The following PIGG variants were observed in gnomAD, a reference collection of about 807,000 sequenced individuals.
The protein encoded by PIGG is phosphatidylinositol glycan anchor biosynthesis class G (EMM blood group).
PIGG carries 70 observed loss-of-function variants against 83.2 expected under a neutral mutation model. That is an observed-to-expected ratio of 0.84 (90% CI 0.69 to 1.03). The LOEUF (loss-of-function observed/expected upper bound fraction) is 1.03, where lower values mean the gene tolerates loss of function less well. Ranked by LOEUF, PIGG falls within the 50% of genes least tolerant of loss-of-function variation. The probability of loss-of-function intolerance (pLI) is 0.00; values close to 1 mark genes in which losing one functional copy is unlikely to be tolerated. For synonymous variants in PIGG, 532 were observed against 519.5 expected (o/e 1.02, Z -0.33); for missense variants, 1,257 against 1,233.6 (o/e 1.02, Z -0.28).
At chr4:527,256 CA>C (rs1168412055) in intron 10 of PIGG, 26 bp downstream of exon 10, 1 of 1,544,588 alleles carries the variant, frequency 6.5e-7, no homozygotes, top group Admixed American at 2.0e-5. Flanking sequence ...ACACGGGGTG[CA>C]TAGAGCCACT....
rs372154748 is a variant in PIGG at position 539,336 on chromosome 4, G to A, written c.2919G>A (p.Thr973=). ...LITAAVCVFF[T]AMDQTRLTQS ...CAGCTGCTGTCTGTGTATTCTTCAC[G>A]GCAATGGATCAAACCAGACTCACAC... The change falls in exon 13 of 13, where the codon ACG becomes ACA. Residue 973 remains threonine (T), a synonymous_variant. Transcript: ENST00000453061. 2.2e-5 allele frequency: 36 copies of A among 1,612,550 alleles called. 1 individual carries two copies. In the South Asian group the frequency reaches 2.7e-4, roughly 12 times the overall value.
At chr4:534,792 G>A (rs1730018502) in intron 12 of PIGG, among the ~76,000 whole-genome samples, 1 of 151,470 alleles carries the variant, frequency 6.6e-6, no homozygotes, top group Non-Finnish European at 1.5e-5. Context: ...GTCCCCGGGG[G>A]ATCCCAGATC....
intron 10 of PIGG, 65 bp from the exon 11 acceptor site, chr4:530,371 G>A: frequency 8.4e-7 from 1 of 1,195,938 alleles, no homozygotes; most frequent in Non-Finnish European, 1.2e-6. Flanking sequence ...TGTTTTTCAT[G>A]GGAAAATGTT....
chr4:536,871 C>T (rs974083786), intron 12 of PIGG: 1 of 152,304 alleles, frequency 6.6e-6, no homozygotes, highest in Non-Finnish European at 1.5e-5. Context: ...AGACGGAGGG[C>T]TGGAAGTACT....
At position 506,570 on chromosome 4, in the gene PIGG, AAC is replaced by A. The variant is rs1237058471; in HGVS notation, c.570+645_570+646del. Among the ~76,000 whole-genome samples, 5 of 152,192 alleles carry A rather than the reference AAC, an allele frequency of 3.3e-5. No homozygotes were observed. The East Asian group carries it at 9.6e-4, about 29-fold the overall frequency. On this transcript the variant is annotated intron_variant, in intron 3 of 12. Transcript: ENST00000453061. ...CCTGTTCCAAAGTGGGGCGCTTTTC[AAC>A]AGTTACTTTTCAGTAATGACTGAGT...
intron 8 of PIGG, chr4:522,341 A>C (rs755699128): frequency 3.7e-5 from 15 of 402,972 alleles, no homozygotes; most frequent in Non-Finnish European, 6.4e-5. Flanking sequence ...CTGGACACTC[A>C]GGAGGGTCAA....
In PIGG at chr4:499,262, G is replaced by C. The variant is rs1716590624; in HGVS notation, c.-74G>C. On this transcript the variant is annotated 5_prime_UTR_variant, in exon 1 of 13. Coordinates refer to ENST00000453061, the MANE Select transcript of PIGG (RefSeq NM_001127178.3). ...GTTATTGCTTAGAGGCGGCTACCTG[G>C]AGCCGGAAGCGCGGCTGCAGCAGGG... 1.3e-6 allele frequency: 2 copies of C among 1,524,392 alleles called. No individual in the cohort carries two copies. Among genetic ancestry groups the C allele is most frequent in the South Asian group, 2.3e-5 (2 of 86,718 alleles). The allele number at this position is 1,524,392 out of a possible 1,614,324, so 94.4% of individuals were successfully genotyped here.
At chr4:508,569 T>C (rs1006964103) in intron 4 of PIGG, among the ~76,000 whole-genome samples, 2 of 152,184 alleles carry the variant, frequency 1.3e-5, no homozygotes, top group Non-Finnish European at 2.9e-5. Flanking sequence ...AGAAACCAGA[T>C]ACAAACCGTC....
Position 535,087 on chromosome 4 carries a change from C to T in PIGG, c.2735+1106C>T, listed in dbSNP as rs1577157899. ...TTGTGAGGCAGGGGCTTCACCCGCT[C>T]TGTTCACCATAGCAGCCTCAGTGCC... On this transcript the variant is annotated intron_variant, in intron 12 of 12. Coordinates refer to ENST00000453061, the MANE Select transcript of PIGG (RefSeq NM_001127178.3). Among the ~76,000 whole-genome samples, 6 of 152,376 alleles carry T rather than the reference C, an allele frequency of 3.9e-5. No individual in the cohort carries two copies. In the South Asian group the frequency reaches 1.0e-3, roughly 26 times the overall value.
chr4:525,296 A>C (rs1259569560), intron 9 of PIGG: 1 of 985,262 alleles, frequency 1.0e-6, no homozygotes, highest in African/African-American at 1.7e-5. Flanking sequence ...ACCAGGACAG[A>C]AAAATAACTA....
intron 4 of PIGG, among the ~76,000 whole-genome samples, 200 bp from the exon 5 acceptor site, chr4:508,629 C>T (rs1326442825): frequency 1.3e-5 from 2 of 152,192 alleles, no homozygotes; most frequent in African/African-American, 2.4e-5. Context: ...GAGCTGTGTA[C>T]AATTCTGTGA....
intron 6 of PIGG, among the ~76,000 whole-genome samples, chr4:517,050 G>A (rs909602154): frequency 6.6e-6 from 1 of 152,000 alleles, no homozygotes; most frequent in Non-Finnish European, 1.5e-5. Context: ...AGTGGCAAGG[G>A]CAGGGCAGAG....
intron 10 of PIGG, chr4:527,845 A>G: frequency 1.0e-6 from 1 of 985,444 alleles, no homozygotes; most frequent in Non-Finnish European, 1.2e-6. Flanking sequence ...TGGGATGAGC[A>G]GAGGCCGTTC....
intron 11 of PIGG, 76 bp downstream of exon 11, chr4:530,821 G>A (rs1006463966): frequency 6.9e-6 from 7 of 1,017,418 alleles, no homozygotes; most frequent in Non-Finnish European, 8.8e-6. Context: ...TTGAGAAAAT[G>A]TTCCCATAAG....
At chr4:513,515 C>G (rs1160484015) in intron 5 of PIGG, among the ~76,000 whole-genome samples, 1 of 152,184 alleles carries the variant, frequency 6.6e-6, no homozygotes, top group Non-Finnish European at 1.5e-5. Context: ...TGTACCTGGA[C>G]TTCCACAGAG....
chr4:529,603 T>C (rs140483922), intron 10 of PIGG, among the ~76,000 whole-genome samples: 7 of 152,374 alleles, frequency 4.6e-5, no homozygotes, highest in African/African-American at 1.7e-4. Flanking sequence ...ATTTAAAATA[T>C]TATGTTTTAG....
chr4:514,266 C>A (rs1723143768), intron 5 of PIGG, among the ~76,000 whole-genome samples: 1 of 152,176 alleles, frequency 6.6e-6, no homozygotes, highest in African/African-American at 2.4e-5. Flanking sequence ...AATCTTGATA[C>A]CCTTATCACA....
chr4:514,189 A>C (rs976719574), intron 5 of PIGG, among the ~76,000 whole-genome samples: 6 of 152,166 alleles, frequency 3.9e-5, no homozygotes, highest in African/African-American at 1.4e-4. Context: ...CCGTGCCCAC[A>C]CTCATTTCCC....
chr4:528,382 C>G lies in PIGG; in HGVS notation c.2261+1152C>G, dbSNP rs926529679. The G allele has an allele frequency of 4.1e-6, 4 of 985,170 alleles. No homozygotes were observed. In the African/African-American group the frequency reaches 7.0e-5, roughly 17 times the overall value. 61.0% of individuals were successfully genotyped at this position (985,170 alleles called of 1,614,324 possible). Reference sequence around the variant, plus strand: ...ATAAGTGTTGCTTTTCTAATCACAGCAAGTCAAGGTGACTGCTGAGGGCTG... The same window carrying G: ...ATAAGTGTTGCTTTTCTAATCACAGGAAGTCAAGGTGACTGCTGAGGGCTG... On this transcript the variant is annotated intron_variant, in intron 10 of 12. Coordinates refer to ENST00000453061, the MANE Select transcript of PIGG (RefSeq NM_001127178.3). This position sits in a 1 kb window ranked among gnomAD's most constrained non-coding sequence, Gnocchi z 4.8.
Sources: gnomAD v4.1 joint callset for allele counts (sites outside exome capture counted in the v4.1 genomes callset) on GRCh38, gnomAD v4.1.1 for gene constraint, Gnocchi (gnomAD v3.1) non-coding constraint, MANE v1.5 for transcripts, NCBI Gene and HGNC (gene_info 2026-07-23, HGNC 2026-07-21) for gene names.